Variants in CR1 observed in about 807,000 individuals in gnomAD.
CR1 encodes complement receptor type 1.
CR1 carries 116 observed loss-of-function variants against 187.3 expected under a neutral mutation model. The observed-to-expected ratio is 0.62, with a 90% CI of 0.53 to 0.72. The LOEUF is 0.72. Among genes scored for constraint, CR1 ranks in the 30% least tolerant of loss-of-function variants. The probability of loss-of-function intolerance (pLI) is 0.00; values close to 1 mark genes in which losing one functional copy is unlikely to be tolerated. For synonymous variants in CR1, 576 were observed against 747.1 expected (o/e 0.77, Z 3.73); for missense variants, 1,731 against 2,110.7 (o/e 0.82, Z 3.52).
chr1:207,622,706 G>C lies in CR1; in HGVS notation c.7277-287G>C, dbSNP rs185800297. On this transcript the variant is annotated intron_variant, in intron 44 of 46. Transcript: ENST00000367049. ...GTCTTAGGCAAGAGACATGGGCAGGGCCATGGAGAGCTGGTGGCCAGCTGC... is the reference window on the plus strand; with the variant it reads ...GTCTTAGGCAAGAGACATGGGCAGGCCCATGGAGAGCTGGTGGCCAGCTGC... Among the ~76,000 whole-genome samples the C allele has an allele frequency of 3.5e-3, 539 of 152,292 alleles. 2 individuals are homozygous for C. The highest frequency in any genetic ancestry group is 0.013 in the African/African-American group (522 of 41,562).
chr1:207,620,489 C>T (rs1476316041), intron 43 of CR1, among the ~76,000 whole-genome samples: 2 of 152,202 alleles, frequency 1.3e-5, no homozygotes, highest in Non-Finnish European at 2.9e-5. Flanking sequence ...TCATTGAGCT[C>T]TGTAGAAGAG....
At chr1:207,525,787 T>C (rs1033359495) in intron 5 of CR1, among the ~76,000 whole-genome samples, 15 of 151,910 alleles carry the variant, frequency 9.9e-5, no homozygotes, top group African/African-American at 3.6e-4. Context: ...TCACCAGGCA[T>C]TGATTAGTCC....
chr1:207,573,053 A>G (rs532374852), intron 27 of CR1, among the ~76,000 whole-genome samples: 2 of 152,264 alleles, frequency 1.3e-5, no homozygotes, highest in East Asian at 1.9e-4. Flanking sequence ...TCACATCCAC[A>G]GGGACTGGAG....
At chr1:207,518,677 C>A (rs755080360) in intron 4 of CR1, among the ~76,000 whole-genome samples, 20 of 152,170 alleles carry the variant, frequency 1.3e-4, no homozygotes, top group Non-Finnish European at 2.2e-4. Flanking sequence ...GTAGATGCAT[C>A]ATTTCCTTCT....
chr1:207,577,167 C>T (rs2102337411), intron 28 of CR1, among the ~76,000 whole-genome samples: 1 of 151,898 alleles, frequency 6.6e-6, no homozygotes, highest in South Asian at 2.1e-4. Flanking sequence ...AGGAAAATCG[C>T]TTGAACCTGG....
At chr1:207,608,543 A>C (rs535254631) in intron 36 of CR1, among the ~76,000 whole-genome samples, 1 of 152,316 alleles carries the variant, frequency 6.6e-6, no homozygotes, top group South Asian at 2.1e-4. Context: ...ATTGACTTTT[A>C]AACATTAAAT....
intron 1 of CR1, among the ~76,000 whole-genome samples, chr1:207,505,523 G>A (rs1659399790): frequency 6.6e-6 from 1 of 152,020 alleles, no homozygotes; most frequent in Non-Finnish European, 1.5e-5. Context: ...AAGTATATTG[G>A]AGAGAAAGAG....
intron 24 of CR1, among the ~76,000 whole-genome samples, chr1:207,566,462 G>A (rs1660500166): frequency 6.7e-6 from 1 of 150,064 alleles, no homozygotes; most frequent in Non-Finnish European, 1.5e-5. Flanking sequence ...AGCCACTGGA[G>A]TTATATCAAT....
At chr1:207,503,277 G>T (rs1051086357) in intron 1 of CR1, among the ~76,000 whole-genome samples, 1 of 152,156 alleles carries the variant, frequency 6.6e-6, no homozygotes, top group African/African-American at 2.4e-5. Context: ...AAGACATTGG[G>T]TTCAAGATTC....
chr1:207,627,536 T>C (rs1319443005), intron 45 of CR1, among the ~76,000 whole-genome samples: 1 of 152,238 alleles, frequency 6.6e-6, no homozygotes, highest in East Asian at 1.9e-4. Flanking sequence ...CTGCTCCTTG[T>C]TCTAATATAC....
At chr1:207,584,514 T>C (rs531208812) in intron 32 of CR1, 135 bp from the exon 33 acceptor site, 7 of 1,072,662 alleles carry the variant, frequency 6.5e-6, no homozygotes, top group Non-Finnish European at 9.2e-6. Flanking sequence ...ATACATTTAT[T>C]TTGCAGTTTC....
In CR1 at chr1:207,614,443, G is replaced by A. The variant is rs1662034473; in HGVS notation, c.6615G>A (p.Leu2205=). The change falls in exon 40 of 47, where the codon TTG becomes TTA. Residue 2205 remains leucine (L), a synonymous_variant. Transcript: ENST00000367049. ...LKGRSASHCV[L]AGMKALWNSS... ...GCAGGTCTGCTAGTCATTGTGTCTT[G>A]GCTGGAATGAAAGCCCTTTGGAATA... 6.2e-7 allele frequency: 1 copy of A among 1,611,316 alleles called. No homozygotes were observed. The highest frequency in any genetic ancestry group is 1.3e-5 in the African/African-American group (1 of 74,760).
Position 207,588,689 on chromosome 1 carries a change from C to G in CR1, c.5725C>G (p.Pro1909Ala), listed in dbSNP as rs894858835. 11 of 1,611,924 alleles carry G rather than the reference C, an allele frequency of 6.8e-6. No individual in the cohort carries two copies. The highest frequency in any genetic ancestry group is 9.3e-6 in the Non-Finnish European group (11 of 1,178,764). Residue 1909 changes from proline to alanine, a missense_variant, in exon 35 of 47, where the codon CCT becomes GCT. By Grantham distance (27) the Pro-to-Ala change is conservative (BLOSUM62 -1). Around this residue, in one of 5 missense-constraint regions of CR1, gnomAD observed 1,312 missense variants for 1,379.6 expected, o/e 0.95. Coordinates refer to ENST00000367049, the MANE Select transcript of CR1 (RefSeq NM_000651.6). Reference protein sequence around the residue: ...EDNCRRKSCGPPPEPFNGMVH... With the variant: ...EDNCRRKSCGAPPEPFNGMVH... ...TCTTCCCCTAGGAAAATCATGTGGA[C>G]CTCCACCAGAACCCTTCAATGGAAT... is the stretch of plus-strand genomic sequence containing the variant.
intron 46 of CR1, among the ~76,000 whole-genome samples, chr1:207,634,646 G>A (rs991070588): frequency 7.9e-5 from 12 of 152,164 alleles, no homozygotes; most frequent in African/African-American, 2.9e-4. Context: ...CTCATCAGGA[G>A]GGGTGTCCCT....
At chr1:207,590,264 T>A (rs1224086203) in intron 35 of CR1, among the ~76,000 whole-genome samples, 17 of 152,226 alleles carry the variant, frequency 1.1e-4, no homozygotes, top group Admixed American at 7.9e-4. Flanking sequence ...TGAATCTCTC[T>A]GCAGAAACCC....
At position 207,593,084 on chromosome 1, in the gene CR1, C is replaced by CAAAAAAAAAA. The variant is rs57700679; in HGVS notation, c.5810+4320_5810+4329dup. Among the ~76,000 whole-genome samples the CAAAAAAAAAA allele has an allele frequency of 4.6e-3, 382 of 83,078 alleles. 28 individuals carry two copies. The highest frequency in any genetic ancestry group is 0.017 in the African/African-American group (341 of 19,988). The allele number at this position is 83,078 out of a possible 152,430, so 54.5% of individuals were successfully genotyped here. A position where few individuals can be genotyped will look rare whatever the true frequency, so the allele number is the denominator to read the frequency against. On this transcript the variant is annotated intron_variant, in intron 35 of 46. Transcript: ENST00000367049. ...ACCAATGGCTTTCTTCACAGAATTA[C>CAAAAAAAAAA]AAAAAAAAAAAAAAAAAAACTACTT...
In CR1 at chr1:207,621,982, A is replaced by T. The variant is rs368389600; in HGVS notation, c.7262A>T (p.Asp2421Val). 5.0e-5 allele frequency: 80 copies of T among 1,597,658 alleles called. No individual in the cohort carries two copies. The highest frequency in any genetic ancestry group is 1.7e-4 in the Middle Eastern group (1 of 6,050). ...TTTGTCTTCCTTTTAGGTACACATG[A>T]TGCTCTCATAGTTGGTAAGTTTTAT... Reference protein sequence around the residue: ...PLAKCTSRTHDALIVGTLSGT... With the variant: ...PLAKCTSRTHVALIVGTLSGT... Residue 2421 changes from aspartate to valine, a missense_variant, in exon 44 of 47, where the codon GAT (aspartate) becomes GTT (valine). This residue lies in a region of CR1 where 1,312 missense variants were observed against 1,379.6 expected (regional missense o/e 0.95). Coordinates refer to ENST00000367049, the MANE Select transcript of CR1 (RefSeq NM_000651.6).
chr1:207,573,091 G>A (rs1239400121), intron 27 of CR1, among the ~76,000 whole-genome samples: 5 of 151,512 alleles, frequency 3.3e-5, no homozygotes, highest in African/African-American at 1.2e-4. Flanking sequence ...CTTGGGGGGA[G>A]ACACAATTCA....
intron 1 of CR1, among the ~76,000 whole-genome samples, chr1:207,503,167 C>T (rs952215287): frequency 6.6e-6 from 1 of 152,076 alleles, no homozygotes; most frequent in African/African-American, 2.4e-5. Context: ...TTTGATTCTC[C>T]CTGCAAACCT....
Sources: gnomAD v4.1 joint callset for allele counts (sites outside exome capture counted in the v4.1 genomes callset) on GRCh38, gnomAD v4.1.1 for gene constraint, gnomAD v4.1.1 regional missense constraint, MANE v1.5 for transcripts, NCBI Gene and HGNC (gene_info 2026-07-23, HGNC 2026-07-21) for gene names.